Variants in ITGA1 observed in about 807,000 individuals in gnomAD.
The protein encoded by ITGA1 is integrin subunit alpha 1.
In ITGA1, 85 loss-of-function variants were observed where a neutral mutation model predicts 145.9. That is an observed-to-expected ratio of 0.58 (90% confidence interval 0.49 to 0.70). The LOEUF (loss-of-function observed/expected upper bound fraction) is 0.70. Ranked by LOEUF, ITGA1 falls within the 30% of genes least tolerant of loss-of-function variation. The probability of loss-of-function intolerance (pLI) is 0.00; values close to 1 mark genes in which losing one functional copy is unlikely to be tolerated. For missense variants in ITGA1, 1,351 were observed against 1,418.7 expected, an observed-to-expected ratio of 0.95 and a Z score of 0.77; for synonymous variants, 520 against 495.3, an observed-to-expected ratio of 1.05 and a Z score of -0.66.
At chr5:52,893,603 C>CA (rs752923189) in intron 8 of ITGA1, 72 bp from the exon 9 acceptor site, 522 of 1,391,894 alleles carry the variant, frequency 3.8e-4, no homozygotes, top group Non-Finnish European at 4.6e-4. Flanking sequence ...TGTTTACTGA[C>CA]AAAATGCTTG....
chr5:52,917,009 A>G (rs16880506), intron 15 of ITGA1, among the ~76,000 whole-genome samples: 31,805 of 152,212 alleles, frequency 0.21, 4,029 homozygotes, highest in East Asian at 0.35. Context: ...CACTGACAGC[A>G]GAATGGACCA....
intron 27 of ITGA1, among the ~76,000 whole-genome samples, chr5:52,946,792 G>T (rs1322870596): frequency 6.6e-6 from 1 of 152,092 alleles, no homozygotes; most frequent in Non-Finnish European, 1.5e-5. Context: ...AAGTCAAGTA[G>T]AAGAAACATT....
At chr5:52,928,480 T>C (rs928989715) in intron 20 of ITGA1, among the ~76,000 whole-genome samples, 12 of 152,178 alleles carry the variant, frequency 7.9e-5, no homozygotes, top group African/African-American at 2.9e-4. Context: ...TTTCAGTGGG[T>C]TTTAGTATAT....
chr5:52,873,930 A>T (rs1488472790), intron 6 of ITGA1, among the ~76,000 whole-genome samples: 9 of 152,142 alleles, frequency 5.9e-5, no homozygotes, highest in African/African-American at 2.2e-4. Context: ...TGACTTAACA[A>T]GATAGATATA....
At chr5:52,834,552 A>G (rs996472333) in intron 1 of ITGA1, among the ~76,000 whole-genome samples, 8 of 39,484 alleles carry the variant, frequency 2.0e-4, no homozygotes, top group African/African-American at 4.7e-4. Context: ...AAGAAAGAGA[A>G]AGAGAGAGAG....
At chr5:52,871,728 CT>C (rs1749779573) in intron 6 of ITGA1, among the ~76,000 whole-genome samples, 1 of 129,546 alleles carries the variant, frequency 7.7e-6, no homozygotes, top group Non-Finnish European at 1.7e-5. Context: ...AACATTCACT[CT>C]AAAGAGTTAC....
At chr5:52,865,661 A>G (rs763350761) in intron 5 of ITGA1, 29 bp from the exon 6 acceptor site, 5 of 1,441,496 alleles carry the variant, frequency 3.5e-6, no homozygotes, top group Non-Finnish European at 4.5e-6. Flanking sequence ...ATAGATTCCA[A>G]ATTTGACAAT....
Position 52,953,062 on chromosome 5 carries a change from G to A in ITGA1, c.*611G>A, listed in dbSNP as rs1751249389. 6.6e-6 allele frequency: 1 copy of A among 152,024 alleles called. No homozygotes were observed. The highest frequency in any genetic ancestry group is 1.5e-5 in the Non-Finnish European group (1 of 68,016). The allele number at this position is 152,024 out of a possible 1,614,324, so 9.4% of individuals were successfully genotyped here. On this transcript the variant is annotated 3_prime_UTR_variant, in exon 29 of 29. Coordinates refer to ENST00000282588, the MANE Select transcript of ITGA1 (RefSeq NM_181501.2). ...CCTCCCTGCCCAAGGTGATTGGAAAGTACTGCAATTGAGCTAAAATTTTAT... is the reference window on the plus strand; with the variant it reads ...CCTCCCTGCCCAAGGTGATTGGAAAATACTGCAATTGAGCTAAAATTTTAT...
intron 14 of ITGA1, among the ~76,000 whole-genome samples, chr5:52,912,231 T>A (rs1292821778): frequency 6.9e-6 from 1 of 144,700 alleles, no homozygotes; most frequent in Non-Finnish European, 1.5e-5. Context: ...ATATACTGTA[T>A]CTAGTGTATC....
intron 2 of ITGA1, among the ~76,000 whole-genome samples, chr5:52,850,853 A>G (rs1691354792): frequency 6.6e-6 from 1 of 152,142 alleles, no homozygotes; most frequent in African/African-American, 2.4e-5. Context: ...TTAAATGAGT[A>G]CAGCCCTCCC....
At chr5:52,881,758 G>C in intron 6 of ITGA1, 115 bp from the exon 7 acceptor site, 1 of 855,888 alleles carries the variant, frequency 1.2e-6, no homozygotes, top group Admixed American at 2.4e-5. Context: ...TTTGTGTACT[G>C]ATAGGTTTGC....
At chr5:52,922,475 G>A (rs995467440) in intron 17 of ITGA1, among the ~76,000 whole-genome samples, 5 of 152,160 alleles carry the variant, frequency 3.3e-5, no homozygotes, top group African/African-American at 9.7e-5. Context: ...ATATTGTGAT[G>A]CAGGTAGCTC....
intron 11 of ITGA1, among the ~76,000 whole-genome samples, chr5:52,898,915 C>A (rs372168205): frequency 3.9e-5 from 6 of 152,118 alleles, no homozygotes; most frequent in African/African-American, 1.2e-4. Flanking sequence ...ATAACATGAT[C>A]TTGTTTCCCA....
chr5:52,868,600 C>T (rs1240136901), intron 6 of ITGA1, among the ~76,000 whole-genome samples: 3 of 152,134 alleles, frequency 2.0e-5, no homozygotes, highest in African/African-American at 7.2e-5. Flanking sequence ...GGAACAATGG[C>T]TCTATTCAGA....
intron 1 of ITGA1, among the ~76,000 whole-genome samples, chr5:52,840,272 A>G (rs758110049): frequency 6.6e-6 from 1 of 152,198 alleles, no homozygotes; most frequent in Non-Finnish European, 1.5e-5. Context: ...CTGGGTAAAT[A>G]CTTAAATAGG....
intron 18 of ITGA1, 126 bp from the exon 19 acceptor site, chr5:52,925,152 G>T: frequency 1.5e-6 from 1 of 659,420 alleles, no homozygotes; most frequent in South Asian, 1.9e-5. Context: ...ATTTTTGCAG[G>T]GAAATTCTCC....
chr5:52,895,278 T>C (rs1203826855), intron 9 of ITGA1, among the ~76,000 whole-genome samples: 3 of 152,114 alleles, frequency 2.0e-5, no homozygotes, highest in African/African-American at 7.2e-5. Context: ...CAGAACACTC[T>C]AATTGTTTAT....
intron 1 of ITGA1, among the ~76,000 whole-genome samples, chr5:52,811,760 T>G (rs1032385068): frequency 1.3e-5 from 2 of 152,188 alleles, no homozygotes; most frequent in Non-Finnish European, 2.9e-5. Context: ...CTGCCACTTT[T>G]CTTCTTGTTA....
At chr5:52,900,730 G>A (rs1165259950) in intron 11 of ITGA1, among the ~76,000 whole-genome samples, 2 of 151,958 alleles carry the variant, frequency 1.3e-5, no homozygotes, top group East Asian at 3.9e-4. Context: ...ATGGCTTTAG[G>A]CAAATTACTC....
Sources: gnomAD v4.1 joint callset for allele counts (sites outside exome capture counted in the v4.1 genomes callset) on GRCh38, gnomAD v4.1.1 for gene constraint, MANE v1.5 for transcripts, NCBI Gene and HGNC (gene_info 2026-07-23, HGNC 2026-07-21) for gene names.